The following EHD3 variants were observed in gnomAD, a reference collection of about 807,000 sequenced individuals.
EHD3 encodes the protein EH domain containing 3.
Under a neutral mutation model 43.0 loss-of-function variants are expected in EHD3, and 17 were observed. That is an observed-to-expected ratio of 0.40 (90% CI 0.27 to 0.59). The LOEUF (loss-of-function observed/expected upper bound fraction) is 0.59, where lower values mean the gene tolerates loss of function less well. EHD3 is among the 20% of genes least tolerant of loss of function. The pLI, the probability that EHD3 is intolerant of heterozygous loss-of-function variation, is 0.49. For synonymous variants in EHD3, 313 were observed against 289.5 expected, an observed-to-expected ratio of 1.08 and a Z score of -0.82; for missense variants, 594 against 705.6, an observed-to-expected ratio of 0.84 and a Z score of 1.79.
In EHD3 at chr2:31,260,480, C is replaced by A; in HGVS notation, c.503-30C>A. The A allele has an allele frequency of 1.3e-6, 2 of 1,568,846 alleles. No homozygotes were observed. Among genetic ancestry groups the A allele is most frequent in the Non-Finnish European group, 1.7e-6 (2 of 1,154,072 alleles). Reference sequence around the variant, plus strand: ...AACCCCTACCCTATACCCCAAAGGCCCCAGCCCCTGATTGTCCCTCTGCCG... The same window carrying A: ...AACCCCTACCCTATACCCCAAAGGCACCAGCCCCTGATTGTCCCTCTGCCG... On this transcript the variant is annotated intron_variant, in intron 3 of 5. Coordinates refer to ENST00000322054, the MANE Select transcript of EHD3 (RefSeq NM_014600.3). The surrounding 1 kb of genome is among the most constrained non-coding windows in gnomAD (Gnocchi z 4.6).
At position 31,261,642 on chromosome 2, in the gene EHD3, G is replaced by C. The variant is rs138474287; in HGVS notation, c.1009G>C (p.Glu337Gln). ...KKKELVNNLA[E>Q]IYGRIEREHQ... ...GAAGGAGCTGGTCAACAACCTGGCCGAGATCTATGGCCGGATCGAGCGGGA... is the reference window on the plus strand; with the variant it reads ...GAAGGAGCTGGTCAACAACCTGGCCCAGATCTATGGCCGGATCGAGCGGGA... Residue 337 changes from glutamate to glutamine, a missense_variant, in exon 5 of 6, where the codon GAG (glutamate) becomes CAG (glutamine). Physicochemically the swap from Glu to Gln is conservative, Grantham distance 29 (BLOSUM62 2). Coordinates refer to ENST00000322054, the MANE Select transcript of EHD3 (RefSeq NM_014600.3). 1.9e-6 allele frequency: 3 copies of C among 1,614,110 alleles called. 1 individual carries two copies. Among genetic ancestry groups the C allele is most frequent in the African/African-American group, 1.3e-5 (1 of 74,936 alleles).
chr2:31,266,602 A>G lies in EHD3; in HGVS notation c.1506A>G (p.Ala502=), dbSNP rs370672845. 3.4e-5 allele frequency: 55 copies of G among 1,614,042 alleles called. 1 individual carries two copies. In the African/African-American group the frequency reaches 6.0e-4, roughly 18 times the overall value. The part of the protein sequence containing the change: ...KDGMLDDDEF[A]LANHLIKVKL... ...GCATGCTGGACGACGACGAGTTTGCACTGGCCAACCACCTCATCAAAGTCA... is the reference window on the plus strand; with the variant it reads ...GCATGCTGGACGACGACGAGTTTGCGCTGGCCAACCACCTCATCAAAGTCA... Residue 502 remains alanine (A), a synonymous_variant, in exon 6 of 6, where the codon GCA becomes GCG. Transcript: ENST00000322054. This position sits in a 1 kb window ranked among gnomAD's most constrained non-coding sequence, Gnocchi z 5.1.
intron 2 of EHD3, among the ~76,000 whole-genome samples, chr2:31,245,553 A>ATT (rs1227122252): frequency 3.3e-3 from 114 of 35,072 alleles, no homozygotes; most frequent in Non-Finnish European, 4.7e-3. Flanking sequence ...ATATATATAT[A>ATT]TTTTTTTTTT....
intron 1 of EHD3, among the ~76,000 whole-genome samples, chr2:31,236,171 C>T (rs13389591): frequency 0.07 from 10,624 of 152,228 alleles, 502 homozygotes; most frequent in African/African-American, 0.14. Flanking sequence ...GGAAGTAGCA[C>T]CATGCTAATA....
At chr2:31,241,119 G>A (rs1194700301) in intron 1 of EHD3, among the ~76,000 whole-genome samples, 1 of 152,158 alleles carries the variant, frequency 6.6e-6, no homozygotes, top group East Asian at 1.9e-4. Context: ...GCCAAGCAGG[G>A]AACCCCACAG....
At chr2:31,259,366 T>C (rs147150491) in intron 3 of EHD3, among the ~76,000 whole-genome samples, 2 of 152,188 alleles carry the variant, frequency 1.3e-5, no homozygotes, top group African/African-American at 4.8e-5. Context: ...TCCTATTTTA[T>C]GTAAGAGGAG....
intron 2 of EHD3, among the ~76,000 whole-genome samples, chr2:31,247,715 G>A (rs1182336774): frequency 6.6e-6 from 1 of 152,200 alleles, no homozygotes; most frequent in East Asian, 1.9e-4. Flanking sequence ...GTGGGCACAG[G>A]CTTGGAAAGA....
rs1309146980 is a variant in EHD3 at position 31,243,460 on chromosome 2, C to CTTTTT, written c.228-805_228-801dup. Among the ~76,000 whole-genome samples the CTTTTT allele has an allele frequency of 3.9e-4, 38 of 98,480 alleles. 2 individuals carry two copies. The highest frequency in any genetic ancestry group is 1.7e-3 in the African/African-American group (38 of 21,830). 64.6% of individuals were successfully genotyped at this position (98,480 alleles called of 152,430 possible). A position where few individuals can be genotyped will look rare whatever the true frequency, so the allele number is the denominator to read the frequency against. On this transcript the variant is annotated intron_variant, in intron 1 of 5. Coordinates refer to ENST00000322054, the MANE Select transcript of EHD3 (RefSeq NM_014600.3). Reference sequence around the variant, plus strand: ...TCTTTCTTTCTTTCTTTCTTTCTTTCTTTTTTTTTTTTTGAGACAGAGTTT... The same window carrying CTTTTT: ...TCTTTCTTTCTTTCTTTCTTTCTTTCTTTTTTTTTTTTTTTTTTGAGACAGAGTTT...
chr2:31,244,862 AG>A (rs1683489734), intron 2 of EHD3, among the ~76,000 whole-genome samples: 1 of 152,226 alleles, frequency 6.6e-6, no homozygotes, highest in Non-Finnish European at 1.5e-5. Flanking sequence ...CCTGGTGGGA[AG>A]AACCCTGGAA....
intron 3 of EHD3, among the ~76,000 whole-genome samples, chr2:31,250,344 G>A (rs1242917464): frequency 1.4e-5 from 2 of 146,962 alleles, no homozygotes; most frequent in African/African-American, 2.5e-5. Context: ...TCAGCTCACC[G>A]CAACCTCTGC....
In EHD3 at chr2:31,260,497, C is replaced by A. The variant is rs1417475495; in HGVS notation, c.503-13C>A. On this transcript the variant is annotated splice_polypyrimidine_tract_variant and intron_variant, in intron 3 of 5. Transcript: ENST00000322054. This position sits in a 1 kb window ranked among gnomAD's most constrained non-coding sequence, Gnocchi z 4.6. ...CCAAAGGCCCCAGCCCCTGATTGTC[C>A]CTCTGCCGGCAGGGTATGACTTTGC... 2.5e-6 allele frequency: 4 copies of A among 1,581,464 alleles called. No homozygotes were observed. The South Asian group carries it at 4.7e-5, about 18-fold the overall frequency.
chr2:31,236,361 T>C (rs1221554388), intron 1 of EHD3, among the ~76,000 whole-genome samples: 1 of 152,224 alleles, frequency 6.6e-6, no homozygotes, highest in Non-Finnish European at 1.5e-5. Context: ...AACTAATCCA[T>C]TGCTTCTTAA....
Position 31,260,567 on chromosome 2 carries a change from T to C in EHD3, c.560T>C (p.Leu187Pro). ...WFAERVDRII[L>P]LFDAHKLDIS... Reference sequence around the variant, plus strand: ...GCCGAGCGGGTTGACCGCATCATTCTGCTCTTCGATGCCCACAAACTGGAC... The same window carrying C: ...GCCGAGCGGGTTGACCGCATCATTCCGCTCTTCGATGCCCACAAACTGGAC... The change falls in exon 4 of 6, where the codon CTG becomes CCG. Residue 187 changes from leucine (L) to proline (P), a missense_variant. This residue lies in a region of EHD3 where 243 missense variants were observed against 296.7 expected (regional missense o/e 0.82). Transcript: ENST00000322054. The surrounding 1 kb of genome is among the most constrained non-coding windows in gnomAD (Gnocchi z 4.6). 6.2e-7 allele frequency: 1 copy of C among 1,614,090 alleles called. No individual in the cohort carries two copies. The highest frequency in any genetic ancestry group is 8.5e-7 in the Non-Finnish European group (1 of 1,179,942).
chr2:31,256,714 C>T (rs1351585251), intron 3 of EHD3, among the ~76,000 whole-genome samples: 2 of 152,244 alleles, frequency 1.3e-5, no homozygotes, highest in Non-Finnish European at 2.9e-5. Context: ...CCTTCTCTTA[C>T]ATCGCTGGTG....
chr2:31,237,245 A>G (rs958347967), intron 1 of EHD3, among the ~76,000 whole-genome samples: 4 of 152,020 alleles, frequency 2.6e-5, no homozygotes, highest in South Asian at 2.1e-4. Flanking sequence ...AAAGTCACCC[A>G]TAATCCCATG....
chr2:31,255,637 C>T (rs1029498297), intron 3 of EHD3, among the ~76,000 whole-genome samples: 4 of 152,262 alleles, frequency 2.6e-5, no homozygotes, highest in Non-Finnish European at 5.9e-5. Flanking sequence ...AAATATCCAC[C>T]CTACAGATGA....
chr2:31,235,141 C>G (rs1572459181), intron 1 of EHD3, among the ~76,000 whole-genome samples: 1 of 152,112 alleles, frequency 6.6e-6, no homozygotes, highest in Non-Finnish European at 1.5e-5. Flanking sequence ...ATGATGAAAC[C>G]GAGGCCCAGG....
Position 31,266,357 on chromosome 2 carries a change from C to A in EHD3, c.1261C>A (p.Pro421Thr). Residue 421 changes from proline to threonine, a missense_variant, in exon 6 of 6, where the codon CCC (proline) becomes ACC (threonine). Transcript: ENST00000322054. This position sits in a 1 kb window ranked among gnomAD's most constrained non-coding sequence, Gnocchi z 5.1. Reference sequence around the variant, plus strand: ...AGCGTTCGAGGGCACCCTGCACGGCCCCTTTGGGCATGGCTATGGGGAGGG... The same window carrying A: ...AGCGTTCGAGGGCACCCTGCACGGCACCTTTGGGCATGGCTATGGGGAGGG... ...GGAFEGTLHGPFGHGYGEGAG... is the reference protein window; with the variant it reads ...GGAFEGTLHGTFGHGYGEGAG... 2.5e-6 allele frequency: 4 copies of A among 1,614,140 alleles called. No homozygotes were observed. The highest frequency in any genetic ancestry group is 3.4e-6 in the Non-Finnish European group (4 of 1,180,010).
chr2:31,245,309 A>G (rs1683495965), intron 2 of EHD3, among the ~76,000 whole-genome samples: 1 of 152,082 alleles, frequency 6.6e-6, no homozygotes, highest in Admixed American at 6.6e-5. Flanking sequence ...TGTAAATAGG[A>G]TAATAGGAGT....
Sources: allele counts gnomAD v4.1 joint callset (sites outside exome capture counted in the v4.1 genomes callset), GRCh38; gene constraint gnomAD v4.1.1; regional missense constraint gnomAD v4.1.1; non-coding constraint Gnocchi (gnomAD v3.1); transcripts MANE v1.5; gene names NCBI Gene and HGNC (gene_info 2026-07-23, HGNC 2026-07-21).